CCNY: variants seen among roughly 807,000 people sequenced by gnomAD.
The protein encoded by CCNY is cyclin Y, also known as cyclin-Y.
In CCNY, 19 loss-of-function variants were observed where a neutral mutation model predicts 42.8. That is an observed-to-expected ratio of 0.44 (90% CI 0.31 to 0.65). The LOEUF (loss-of-function observed/expected upper bound fraction) is 0.65, where lower values mean the gene tolerates loss of function less well. CCNY is among the 30% of genes least tolerant of loss of function. The probability of loss-of-function intolerance (pLI) is 0.07; values close to 1 mark genes in which losing one functional copy is unlikely to be tolerated. For synonymous variants in CCNY, 165 were observed against 162.7 expected, an observed-to-expected ratio of 1.01 and a Z score of -0.11; for missense variants, 370 against 437.3, an observed-to-expected ratio of 0.85 and a Z score of 1.37.
chr10:35,282,901 G>C (rs1314326887), intron 3 of CCNY, among the ~76,000 whole-genome samples: 1 of 151,962 alleles, frequency 6.6e-6, no homozygotes, highest in South Asian at 2.1e-4. Context: ...TACATCTTAC[G>C]GTGCCCAAGC....
intron 3 of CCNY, among the ~76,000 whole-genome samples, chr10:35,259,672 GTTTTT>G (rs1202854456): frequency 2.3e-5 from 2 of 86,370 alleles, no homozygotes; most frequent in African/African-American, 1.0e-4. Context: ...CTGGCTAATT[GTTTTT>G]TTTTTTTTTT....
chr10:35,482,724 G>C (rs1332275940), intron 1 of CCNY, among the ~76,000 whole-genome samples: 1 of 145,766 alleles, frequency 6.9e-6, no homozygotes, highest in African/African-American at 2.5e-5. Context: ...CAAACGATCT[G>C]ATTTCTCAAG....
chr10:35,552,169 C>T (rs1373601667), intron 7 of CCNY, among the ~76,000 whole-genome samples: 3 of 152,198 alleles, frequency 2.0e-5, no homozygotes, highest in African/African-American at 7.2e-5. Context: ...TATATGCATA[C>T]AGCTGAATAT....
At chr10:35,323,680 G>A (rs939088325) in intron 3 of CCNY, among the ~76,000 whole-genome samples, 1 of 152,132 alleles carries the variant, frequency 6.6e-6, no homozygotes, top group Admixed American at 6.6e-5. Context: ...TCTAGATCTT[G>A]ATTGTGGTGA....
chr10:35,341,000 C>T (rs1189693709), intron 1 of CCNY, among the ~76,000 whole-genome samples: 1 of 152,226 alleles, frequency 6.6e-6, no homozygotes, highest in Admixed American at 6.5e-5. Context: ...GGTCTCCCTG[C>T]TTCCACCCTT....
chr10:35,504,834 G>A (rs1840181756), intron 3 of CCNY, among the ~76,000 whole-genome samples: 1 of 152,036 alleles, frequency 6.6e-6, no homozygotes, highest in Non-Finnish European at 1.5e-5. Flanking sequence ...ACAGGAATTA[G>A]CTATGTTGGC....
intron 1 of CCNY, among the ~76,000 whole-genome samples, chr10:35,431,053 G>A (rs983472254): frequency 6.6e-6 from 1 of 151,016 alleles, no homozygotes; most frequent in African/African-American, 2.4e-5. Context: ...AGAGACGGAG[G>A]TTGCAGTGAG....
intron 3 of CCNY, among the ~76,000 whole-genome samples, chr10:35,292,065 C>T (rs148092508): frequency 2.4e-4 from 37 of 152,216 alleles, no homozygotes; most frequent in East Asian, 7.7e-4. Flanking sequence ...TCCTAGTGGG[C>T]GTGAAGTGCC....
chr10:35,358,121 C>T (rs371226022), intron 1 of CCNY, among the ~76,000 whole-genome samples: 53 of 152,128 alleles, frequency 3.5e-4, no homozygotes, highest in African/African-American at 8.7e-4. Flanking sequence ...TTTTGCCCCC[C>T]GCAAGAAGTA....
At chr10:35,350,931 A>T (rs1296037475) in intron 1 of CCNY, among the ~76,000 whole-genome samples, 1 of 152,216 alleles carries the variant, frequency 6.6e-6, no homozygotes, top group African/African-American at 2.4e-5. Context: ...ATTTGAACCA[A>T]AAATGTCAGT....
At chr10:35,374,080 C>T (rs372958642) in intron 1 of CCNY, among the ~76,000 whole-genome samples, 19 of 152,306 alleles carry the variant, frequency 1.2e-4, no homozygotes, top group East Asian at 9.6e-4. Context: ...CAGCTTACAG[C>T]GTTTTCCCAA....
intron 1 of CCNY, 143 bp downstream of exon 1, chr10:35,337,350 G>A: frequency 3.5e-6 from 3 of 846,896 alleles, no homozygotes; most frequent in Non-Finnish European, 5.0e-6. Flanking sequence ...CAGCCTAGGC[G>A]CCCGGGGCCC....
chr10:35,514,388 T>C (rs1840387491), intron 3 of CCNY, among the ~76,000 whole-genome samples: 2 of 152,194 alleles, frequency 1.3e-5, no homozygotes, highest in Admixed American at 1.3e-4. Flanking sequence ...GATCAGCCCT[T>C]AGTTCTGGGG....
intron 1 of CCNY, among the ~76,000 whole-genome samples, chr10:35,388,321 T>G (rs1486659938): frequency 6.6e-6 from 1 of 152,210 alleles, no homozygotes; most frequent in Non-Finnish European, 1.5e-5. Context: ...AAGGCCCAGA[T>G]GAACACTTAT....
chr10:35,356,753 T>G (rs757412734), intron 1 of CCNY, among the ~76,000 whole-genome samples: 7 of 152,198 alleles, frequency 4.6e-5, no homozygotes, highest in Non-Finnish European at 1.0e-4. Context: ...TTTTCTAGCT[T>G]CTTATTATGG....
At chr10:35,350,677 C>G (rs897452705) in intron 1 of CCNY, among the ~76,000 whole-genome samples, 2 of 152,108 alleles carry the variant, frequency 1.3e-5, no homozygotes, top group Admixed American at 6.6e-5. Context: ...GAGAAAAACC[C>G]TTGGTTTGTT....
chr10:35,350,114 A>AT (rs914652350), intron 1 of CCNY, among the ~76,000 whole-genome samples: 2 of 152,176 alleles, frequency 1.3e-5, no homozygotes, highest in African/African-American at 4.8e-5. Flanking sequence ...AGGTTCTAAG[A>AT]TGGTGTTCCT....
intron 1 of CCNY, among the ~76,000 whole-genome samples, chr10:35,380,495 T>C (rs183933084): frequency 1.3e-5 from 2 of 152,360 alleles, no homozygotes; most frequent in East Asian, 3.9e-4. Flanking sequence ...ACTTCAAACA[T>C]TTATTTCAGA....
chr10:35,439,206 T>C (rs75230436), intron 1 of CCNY, among the ~76,000 whole-genome samples: 1,565 of 152,360 alleles, frequency 0.01, 14 homozygotes, highest in Non-Finnish European at 0.015. Context: ...CCCTGCCCGC[T>C]GTCTTTTCTC....
Sources: gnomAD v4.1 joint callset for allele counts (sites outside exome capture counted in the v4.1 genomes callset) on GRCh38, gnomAD v4.1.1 for gene constraint, MANE v1.5 for transcripts, NCBI Gene and HGNC (gene_info 2026-07-23, HGNC 2026-07-21) for gene names.